KSR1: variants seen among roughly 807,000 people sequenced by gnomAD.
The protein encoded by KSR1 is kinase suppressor of ras.
In KSR1, 35 loss-of-function variants were observed where a neutral mutation model predicts 92.9. The observed-to-expected ratio is 0.38, with a 90% CI of 0.29 to 0.50. The LOEUF is 0.50. Ranked by LOEUF, KSR1 falls within the 20% of genes least tolerant of loss-of-function variation. The pLI is 0.94. For missense variants in KSR1, 972 were observed against 1,158.5 expected (o/e 0.84, Z 2.34); for synonymous variants, 467 against 472.6 (o/e 0.99, Z 0.15).
chr17:27,609,228 A>G lies in KSR1; in HGVS notation c.2124A>G (p.Val708=), dbSNP rs773449568. Residue 708 remains valine (V), a synonymous_variant, in exon 16 of 21, where the codon GTA becomes GTG. Transcript: ENST00000644974. ...GMGYLHAKGI[V]HKDLKSKNVF... is the part of the protein sequence containing the mutation. Reference sequence around the variant, plus strand: ...GATATCTTCATGCCAAGGGCATCGTACACAAAGATCTCAAATCTAAGAACG... The same window carrying G: ...GATATCTTCATGCCAAGGGCATCGTGCACAAAGATCTCAAATCTAAGAACG... 2.5e-5 allele frequency: 41 copies of G among 1,613,874 alleles called. No individual in the cohort carries two copies. Among genetic ancestry groups the G allele is most frequent in the South Asian group, 5.5e-5 (5 of 91,082 alleles).
chr17:27,457,489 C>T (rs2019234567), intron 1 of KSR1, among the ~76,000 whole-genome samples: 1 of 152,192 alleles, frequency 6.6e-6, no homozygotes, highest in Non-Finnish European at 1.5e-5. Context: ...TACCCGCTGA[C>T]TCCCCCTGCT....
intron 1 of KSR1, among the ~76,000 whole-genome samples, chr17:27,504,254 C>T (rs556794358): frequency 3.2e-4 from 48 of 152,304 alleles, no homozygotes; most frequent in Middle Eastern, 3.4e-3. Context: ...CAGCCTGGCT[C>T]TGTGAGGCTG....
At chr17:27,516,525 C>T (rs1290668064) in intron 1 of KSR1, among the ~76,000 whole-genome samples, 2 of 151,986 alleles carry the variant, frequency 1.3e-5, no homozygotes, top group East Asian at 3.9e-4. Flanking sequence ...TCCCCCTCCT[C>T]CTCCTCCCCC....
In KSR1 at chr17:27,509,916, A is replaced by T. The variant is rs1229186451; in HGVS notation, c.232-40652A>T. ...GCCACGTTGGGCGAGCAGGGGCAATACCCAGCCTTGGCTTTAATCTCCTTA... is the reference window on the plus strand; with the variant it reads ...GCCACGTTGGGCGAGCAGGGGCAATTCCCAGCCTTGGCTTTAATCTCCTTA... On this transcript the variant is annotated intron_variant, in intron 1 of 20. Coordinates refer to ENST00000644974, the MANE Select transcript of KSR1 (RefSeq NM_001394583.1). 2.0e-5 allele frequency among the ~76,000 whole-genome samples: 3 copies of T among 152,224 alleles called. No individual in the cohort carries two copies. The South Asian group carries it at 6.2e-4, about 32-fold the overall frequency.
chr17:27,507,885 T>C (rs1350650081), intron 1 of KSR1, among the ~76,000 whole-genome samples: 1 of 152,180 alleles, frequency 6.6e-6, no homozygotes, highest in East Asian at 1.9e-4. Flanking sequence ...TTTGTTTGGC[T>C]TTTAATATGG....
rs763315320 is a variant in KSR1 at position 27,550,688 on chromosome 17, G to T, written c.352G>T (p.Val118Leu). The change falls in exon 2 of 21, where the codon GTG becomes TTG. Residue 118 changes from valine (V) to leucine (L), a missense_variant. Physicochemically the swap from Val to Leu is conservative, Grantham distance 32 (BLOSUM62 1). Transcript: ENST00000644974. ...RFSDWLYTFN[V>L]RPEVVQEIPR... ...CAGCGACTGGCTGTACACTTTCAACGTGAGGCCGGAGGTGGTGCAGGTATG... is the reference window on the plus strand; with the variant it reads ...CAGCGACTGGCTGTACACTTTCAACTTGAGGCCGGAGGTGGTGCAGGTATG... 15 of 763,450 alleles carry T rather than the reference G, an allele frequency of 2.0e-5. No homozygotes were observed. The highest frequency in any genetic ancestry group is 3.4e-5 in the Admixed American group (2 of 59,010). 47.3% of individuals were successfully genotyped at this position (763,450 alleles called of 1,614,324 possible).
intron 2 of KSR1, among the ~76,000 whole-genome samples, chr17:27,570,717 A>G (rs879732129): frequency 1.3e-5 from 2 of 152,138 alleles, no homozygotes; most frequent in Admixed American, 6.5e-5. Flanking sequence ...AGTGGAAGGA[A>G]TGTGGCCTCC....
At position 27,585,670 on chromosome 17, in the gene KSR1, G is replaced by T; in HGVS notation, c.985+9G>T. 1 of 764,902 alleles carries T rather than the reference G, an allele frequency of 1.3e-6. No homozygotes were observed. Among genetic ancestry groups the T allele is most frequent in the Non-Finnish European group, 2.4e-6 (1 of 410,366 alleles). The allele number at this position is 764,902 out of a possible 1,614,324, so 47.4% of individuals were successfully genotyped here. ...TGTCTCCTCCAGGTTTGGTAAGAGA[G>T]ATTCATTTCCATCCCCTCTACCACC... On this transcript the variant is annotated intron_variant, in intron 5 of 20. Transcript: ENST00000644974.
chr17:27,617,174 AG>A (rs1275626854), intron 18 of KSR1, 120 bp from the exon 19 acceptor site: 30 of 1,097,794 alleles, frequency 2.7e-5, no homozygotes, highest in South Asian at 4.4e-5. Context: ...CAGGGTGTTC[AG>A]GGGGCCGCCA....
chr17:27,538,990 G>A (rs183026806), intron 1 of KSR1, among the ~76,000 whole-genome samples: 4 of 152,236 alleles, frequency 2.6e-5, no homozygotes, highest in Non-Finnish European at 4.4e-5. Context: ...ATAGGTCAGA[G>A]TTTAAGGTGC....
chr17:27,553,776 A>G (rs1428525593), intron 2 of KSR1, among the ~76,000 whole-genome samples: 6 of 152,212 alleles, frequency 3.9e-5, no homozygotes, highest in Admixed American at 3.3e-4. Flanking sequence ...AGAAAAGGCT[A>G]TTTCCTTTAG....
intron 6 of KSR1, among the ~76,000 whole-genome samples, chr17:27,589,496 G>T (rs55829174): frequency 0.012 from 1,824 of 152,244 alleles, 12 homozygotes; most frequent in Non-Finnish European, 0.019. Flanking sequence ...AGTTTCCTTG[G>T]CTGCACACTA....
At chr17:27,604,132 G>C (rs1271378020) in intron 12 of KSR1, among the ~76,000 whole-genome samples, 1 of 152,194 alleles carries the variant, frequency 6.6e-6, no homozygotes, top group African/African-American at 2.4e-5. Context: ...CAGGCGGGTT[G>C]GATAGAGGGC....
intron 2 of KSR1, among the ~76,000 whole-genome samples, chr17:27,565,040 G>A (rs2072006986): frequency 6.6e-6 from 1 of 152,112 alleles, no homozygotes; most frequent in Admixed American, 6.5e-5. Flanking sequence ...ACAACCATTG[G>A]CTGTTAGCTT....
At chr17:27,507,424 C>G (rs2069426888) in intron 1 of KSR1, among the ~76,000 whole-genome samples, 1 of 151,580 alleles carries the variant, frequency 6.6e-6, no homozygotes, top group African/African-American at 2.4e-5. Flanking sequence ...CAGAGCAAGA[C>G]TTTGTCTCGA....
chr17:27,497,352 G>C (rs184857845), intron 1 of KSR1, among the ~76,000 whole-genome samples: 2 of 152,190 alleles, frequency 1.3e-5, no homozygotes, highest in Admixed American at 6.5e-5. Context: ...TTCACTTGTC[G>C]GTACTGCAGT....
In KSR1 at chr17:27,603,796, C is replaced by T. The variant is rs745697744; in HGVS notation, c.1511-38C>T. The T allele has an allele frequency of 3.7e-5, 59 of 1,608,638 alleles. No individual in the cohort carries two copies. The Middle Eastern group carries it at 9.9e-4, about 27-fold the overall frequency. On this transcript the variant is annotated intron_variant, in intron 11 of 20. Coordinates refer to ENST00000644974, the MANE Select transcript of KSR1 (RefSeq NM_001394583.1). ...CGGTGTCTCTTTGGGGAGAGGAAAG[C>T]AATCTCATGCTTTGTGTTTGGTTTT...
At chr17:27,572,249 A>G (rs746055733) in intron 2 of KSR1, among the ~76,000 whole-genome samples, 7 of 152,218 alleles carry the variant, frequency 4.6e-5, no homozygotes, top group Non-Finnish European at 8.8e-5. Context: ...CAGGGAGCCA[A>G]TGATCTCTGA....
At chr17:27,468,853 A>G (rs1364284010) in intron 1 of KSR1, among the ~76,000 whole-genome samples, 2 of 152,136 alleles carry the variant, frequency 1.3e-5, no homozygotes, top group East Asian at 1.9e-4. Context: ...GTCCCACAGC[A>G]GTCCTGCCAG....
Sources: allele counts gnomAD v4.1 joint callset (sites outside exome capture counted in the v4.1 genomes callset), GRCh38; gene constraint gnomAD v4.1.1; transcripts MANE v1.5; gene names NCBI Gene and HGNC (gene_info 2026-07-23, HGNC 2026-07-21).